AFG1L: variants seen among roughly 807,000 people sequenced by gnomAD.
AFG1L encodes AFG1 like ATPase, also known as AFG1-like ATPase.
AFG1L carries 53 observed loss-of-function variants against 62.2 expected under a neutral mutation model. The ratio of observed to expected loss-of-function variants is 0.85; its 90% CI spans 0.68 to 1.07. The LOEUF is 1.07. AFG1L is among the 50% of genes least tolerant of loss of function. The probability of loss-of-function intolerance (pLI) is 0.00; values close to 1 mark genes in which losing one functional copy is unlikely to be tolerated. For missense variants in AFG1L, 555 were observed against 590.5 expected, an observed-to-expected ratio of 0.94 and a Z score of 0.62; for synonymous variants, 228 against 210.3, an observed-to-expected ratio of 1.08 and a Z score of -0.73.
chr6:108,491,711 A>G (rs1397482245), intron 10 of AFG1L, among the ~76,000 whole-genome samples: 4 of 152,164 alleles, frequency 2.6e-5, no homozygotes, highest in Non-Finnish European at 5.9e-5. Context: ...AGTCTTACTC[A>G]TAGTTTGAAG....
intron 7 of AFG1L, among the ~76,000 whole-genome samples, chr6:108,409,131 A>G (rs1781991916): frequency 6.6e-6 from 1 of 152,236 alleles, no homozygotes; most frequent in Non-Finnish European, 1.5e-5. Context: ...AATAATACAC[A>G]TGCATCAAAA....
intron 10 of AFG1L, 53 bp from the exon 11 acceptor site, chr6:108,510,159 G>A (rs749363898): frequency 9.7e-5 from 138 of 1,429,300 alleles, no homozygotes; most frequent in Non-Finnish European, 1.3e-4. Flanking sequence ...CCACTCCAAA[G>A]GCAACCAGAA....
intron 1 of AFG1L, among the ~76,000 whole-genome samples, 171 bp from the exon 2 acceptor site, chr6:108,323,654 C>G (rs1406345705): frequency 6.6e-6 from 1 of 152,258 alleles, no homozygotes; most frequent in African/African-American, 2.4e-5. Flanking sequence ...AGCCACCATG[C>G]CTGGCTGAAA....
At chr6:108,321,278 C>A (rs1161714099) in intron 1 of AFG1L, among the ~76,000 whole-genome samples, 1 of 152,168 alleles carries the variant, frequency 6.6e-6, no homozygotes, top group Non-Finnish European at 1.5e-5. Context: ...CTTATGTTTA[C>A]TGATTTATGA....
chr6:108,329,534 A>G (rs1286634026), intron 2 of AFG1L, among the ~76,000 whole-genome samples: 4 of 151,922 alleles, frequency 2.6e-5, no homozygotes, highest in Non-Finnish European at 5.9e-5. Context: ...CCTGACCTCA[A>G]GTGATCTGCC....
In AFG1L at chr6:108,447,297, G is replaced by C; in HGVS notation, c.890+1G>C. 6.4e-7 allele frequency: 1 copy of C among 1,563,336 alleles called. No homozygotes were observed. ...CTGCTGCAGGAAAACTCTACTACCT[G>C]TAAGTGTTTCTAATTTTTAAAGTTT... is the stretch of plus-strand genomic sequence containing the variant. On this transcript the variant is annotated splice_donor_variant, in intron 8 of 12. Coordinates refer to ENST00000368977, the MANE Select transcript of AFG1L (RefSeq NM_145315.5). LOFTEE classifies it high-confidence loss of function.
chr6:108,317,629 G>C (rs1308756264), intron 1 of AFG1L, among the ~76,000 whole-genome samples: 2 of 152,184 alleles, frequency 1.3e-5, no homozygotes, highest in Non-Finnish European at 2.9e-5. Context: ...CACTTTAGCA[G>C]AGTTCAGGCT....
chr6:108,358,122 G>A (rs1189302492), intron 5 of AFG1L, among the ~76,000 whole-genome samples: 1 of 152,078 alleles, frequency 6.6e-6, no homozygotes, highest in African/African-American at 2.4e-5. Flanking sequence ...GCAGGAGAAG[G>A]GCCTCATTGA....
At chr6:108,322,642 T>TC (rs11373001) in intron 1 of AFG1L, among the ~76,000 whole-genome samples, 1,785 of 152,242 alleles carry the variant, frequency 0.012, 26 homozygotes, top group African/African-American at 0.038. Context: ...TAAGGACTTT[T>TC]CCCCCTCTTT....
At chr6:108,331,997 C>T (rs1778293260) in intron 2 of AFG1L, among the ~76,000 whole-genome samples, 1 of 152,098 alleles carries the variant, frequency 6.6e-6, no homozygotes, top group Admixed American at 6.5e-5. Context: ...TATATCCTAC[C>T]ATCTTTTATT....
chr6:108,347,478 TA>T (rs1229681653), intron 3 of AFG1L, among the ~76,000 whole-genome samples: 4 of 152,234 alleles, frequency 2.6e-5, no homozygotes, highest in Non-Finnish European at 5.9e-5. Flanking sequence ...TTATTATCTT[TA>T]ATGTAGTTGA....
intron 1 of AFG1L, among the ~76,000 whole-genome samples, chr6:108,307,035 A>T (rs1025391768): frequency 6.7e-6 from 1 of 149,132 alleles, no homozygotes; most frequent in African/African-American, 2.6e-5. Context: ...AGTTTTTGAG[A>T]TGGAGTCTTG....
chr6:108,364,511 C>T (rs1446131246), intron 5 of AFG1L, among the ~76,000 whole-genome samples: 2 of 152,092 alleles, frequency 1.3e-5, no homozygotes, highest in Non-Finnish European at 2.9e-5. Flanking sequence ...TTTTCAAAGA[C>T]ATTAATCATA....
chr6:108,319,960 G>T (rs1283200882), intron 1 of AFG1L, among the ~76,000 whole-genome samples: 1 of 152,036 alleles, frequency 6.6e-6, no homozygotes, highest in East Asian at 1.9e-4. Flanking sequence ...GAATGAGGGG[G>T]ATATGAAAAG....
At position 108,323,755 on chromosome 6, in the gene AFG1L, C is replaced by G. The variant is rs1173379248; in HGVS notation, c.140-70C>G. 4 of 1,135,614 alleles carry G rather than the reference C, an allele frequency of 3.5e-6. No individual in the cohort carries two copies. The East Asian group carries it at 7.1e-5, about 20-fold the overall frequency. 70.3% of individuals were successfully genotyped at this position (1,135,614 alleles called of 1,614,324 possible). Reference sequence around the variant, plus strand: ...ACTAGTTAAAAGTTTGAATTTGACCCTTAAGAAATGTGTAGAGCACTGTGA... The same window carrying G: ...ACTAGTTAAAAGTTTGAATTTGACCGTTAAGAAATGTGTAGAGCACTGTGA... On this transcript the variant is annotated intron_variant, in intron 1 of 12. Transcript: ENST00000368977.
At chr6:108,516,117 T>C (rs1270394829) in intron 11 of AFG1L, among the ~76,000 whole-genome samples, 1 of 152,004 alleles carries the variant, frequency 6.6e-6, no homozygotes, top group East Asian at 1.9e-4. Context: ...TTCCAATCAA[T>C]AGAAAAAGAG....
At position 108,524,377 on chromosome 6, in the gene AFG1L, T is replaced by G. The variant is rs1775244699; in HGVS notation, c.*1952T>G. The G allele has an allele frequency of 6.6e-6, 1 of 152,036 alleles. No individual in the cohort carries two copies. Among genetic ancestry groups the G allele is most frequent in the African/African-American group, 2.4e-5 (1 of 41,364 alleles). 9.4% of individuals were successfully genotyped at this position (152,036 alleles called of 1,614,324 possible). On this transcript the variant is annotated 3_prime_UTR_variant, in exon 13 of 13. Coordinates refer to ENST00000368977, the MANE Select transcript of AFG1L (RefSeq NM_145315.5). ...AGACAGACCTGTCCCTGAGTGTGAG[T>G]GTATGTAGAAGAGTCCCCCTGTCAA... is the stretch of plus-strand genomic sequence containing the variant.
chr6:108,372,009 A>G (rs1483352933), intron 6 of AFG1L, among the ~76,000 whole-genome samples: 1 of 151,968 alleles, frequency 6.6e-6, no homozygotes, highest in Admixed American at 6.6e-5. Context: ...TCTCCCTCCT[A>G]GTCCTCCCAA....
chr6:108,486,782 G>A (rs1220131061), intron 10 of AFG1L, among the ~76,000 whole-genome samples: 1 of 151,858 alleles, frequency 6.6e-6, no homozygotes, highest in African/African-American at 2.4e-5. Context: ...TTAGCTCACT[G>A]CAACCTCCGC....
Sources: allele counts gnomAD v4.1 joint callset (sites outside exome capture counted in the v4.1 genomes callset), GRCh38; gene constraint gnomAD v4.1.1; transcripts MANE v1.5; gene names NCBI Gene and HGNC (gene_info 2026-07-23, HGNC 2026-07-21).